UBE2E2: variants seen among roughly 807,000 people sequenced by gnomAD.
UBE2E2 encodes ubiquitin conjugating enzyme E2 E2, also known as ubiquitin-conjugating enzyme E2 E2.
Under a neutral mutation model 24.7 loss-of-function variants are expected in UBE2E2, and 6 were observed. That is an observed-to-expected ratio of 0.24 (90% CI 0.13 to 0.48). The LOEUF is 0.48. Among genes scored for constraint, UBE2E2 ranks in the 20% least tolerant of loss-of-function variants. The pLI, the probability that UBE2E2 is intolerant of heterozygous loss-of-function variation, is 0.99. For missense variants in UBE2E2, 169 were observed against 245.0 expected, an observed-to-expected ratio of 0.69 and a Z score of 2.07; for synonymous variants, 104 against 83.6, an observed-to-expected ratio of 1.24 and a Z score of -1.33.
chr3:23,402,496 T>C (rs983090434), intron 3 of UBE2E2, among the ~76,000 whole-genome samples: 3 of 152,232 alleles, frequency 2.0e-5, no homozygotes, highest in Admixed American at 1.3e-4. Flanking sequence ...GATTAAAGTT[T>C]AGAAATTGTT....
At chr3:23,230,903 G>T (rs562603533) in intron 3 of UBE2E2, among the ~76,000 whole-genome samples, 1 of 152,038 alleles carries the variant, frequency 6.6e-6, no homozygotes, top group East Asian at 1.9e-4. Flanking sequence ...AGCTTATTCT[G>T]TGTGATTTTG....
intron 3 of UBE2E2, among the ~76,000 whole-genome samples, chr3:23,353,692 C>T (rs1695838099): frequency 6.6e-6 from 1 of 151,868 alleles, no homozygotes; most frequent in African/African-American, 2.4e-5. Flanking sequence ...ATGTGAAGGA[C>T]CGCTTCAAGG....
In UBE2E2 at chr3:23,305,708, T is replaced by G. The variant is rs114396343; in HGVS notation, c.227+88396T>G. On this transcript the variant is annotated intron_variant, in intron 3 of 5. Transcript: ENST00000396703. ...TAATGGTCCCCTTTTCTTACAGTTATTAAAATGTAGTAACCATTCTTTTTA... is the reference window on the plus strand; with the variant it reads ...TAATGGTCCCCTTTTCTTACAGTTAGTAAAATGTAGTAACCATTCTTTTTA... Among the ~76,000 whole-genome samples the G allele has an allele frequency of 4.2e-3, 644 of 152,286 alleles. 1 individual carries two copies. The highest frequency in any genetic ancestry group is 6.9e-3 in the Non-Finnish European group (471 of 68,020).
At chr3:23,417,641 GA>G (rs1697673624) in intron 3 of UBE2E2, among the ~76,000 whole-genome samples, 1 of 152,180 alleles carries the variant, frequency 6.6e-6, no homozygotes, top group Admixed American at 6.5e-5. Flanking sequence ...TAAGTCTGCT[GA>G]AGCTGCACCC....
chr3:23,425,234 C>T (rs1219988670), intron 3 of UBE2E2, among the ~76,000 whole-genome samples: 11 of 152,078 alleles, frequency 7.2e-5, no homozygotes, highest in Non-Finnish European at 1.3e-4. Flanking sequence ...TTTTTAGTTG[C>T]AGATAAGAAG....
At chr3:23,521,925 TG>T (rs1312848630) in intron 4 of UBE2E2, among the ~76,000 whole-genome samples, 3 of 139,296 alleles carry the variant, frequency 2.2e-5, no homozygotes, top group Non-Finnish European at 4.6e-5. Flanking sequence ...GCACCTACTA[TG>T]TATGTGCTTA....
intron 3 of UBE2E2, among the ~76,000 whole-genome samples, chr3:23,234,415 T>C (rs1217886110): frequency 1.3e-5 from 2 of 152,156 alleles, no homozygotes; most frequent in Non-Finnish European, 2.9e-5. Context: ...GTTGGACACA[T>C]ACATTCAAAT....
At chr3:23,422,322 C>G (rs1203468611) in intron 3 of UBE2E2, among the ~76,000 whole-genome samples, 1 of 152,036 alleles carries the variant, frequency 6.6e-6, no homozygotes, top group Non-Finnish European at 1.5e-5. Flanking sequence ...TCCTGAGAGA[C>G]AACACTTGAA....
intron 3 of UBE2E2, among the ~76,000 whole-genome samples, chr3:23,267,808 A>C (rs2125359590): frequency 6.7e-6 from 1 of 150,074 alleles, no homozygotes; most frequent in East Asian, 2.0e-4. Context: ...AATCCTCAAT[A>C]AAATACTGGC....
chr3:23,537,336 C>G (rs1695290181), intron 5 of UBE2E2, among the ~76,000 whole-genome samples: 1 of 152,244 alleles, frequency 6.6e-6, no homozygotes, highest in Non-Finnish European at 1.5e-5. Flanking sequence ...AGCATACCCA[C>G]AAACATCAAC....
chr3:23,418,193 C>T (rs1021010933), intron 3 of UBE2E2, among the ~76,000 whole-genome samples: 13 of 152,286 alleles, frequency 8.5e-5, no homozygotes, highest in African/African-American at 2.9e-4. Flanking sequence ...GGCGTAGGCA[C>T]CCGAGGGAAT....
chr3:23,516,021 A>G (rs1694731189), intron 4 of UBE2E2, among the ~76,000 whole-genome samples: 1 of 152,132 alleles, frequency 6.6e-6, no homozygotes, highest in Non-Finnish European at 1.5e-5. Context: ...GTTTCTTAAG[A>G]GAACATTTCT....
intron 3 of UBE2E2, among the ~76,000 whole-genome samples, chr3:23,287,772 TC>T (rs1698656478): frequency 7.4e-6 from 1 of 134,854 alleles, no homozygotes; most frequent in Non-Finnish European, 1.7e-5. Context: ...AATGTCTCTC[TC>T]TTTTTTTTTT....
intron 3 of UBE2E2, among the ~76,000 whole-genome samples, chr3:23,459,889 G>A (rs1037580347): frequency 1.2e-4 from 19 of 152,164 alleles, no homozygotes; most frequent in African/African-American, 3.1e-4. Context: ...ATGCTGAAAG[G>A]GGAATGAAAA....
intron 5 of UBE2E2, among the ~76,000 whole-genome samples, chr3:23,567,962 T>G (rs1049067268): frequency 6.6e-6 from 1 of 152,104 alleles, no homozygotes; most frequent in Non-Finnish European, 1.5e-5. Context: ...TAGCAGAAGA[T>G]TCATATAACA....
chr3:23,418,899 A>T (rs1033385638), intron 3 of UBE2E2, among the ~76,000 whole-genome samples: 4 of 152,040 alleles, frequency 2.6e-5, no homozygotes, highest in Non-Finnish European at 5.9e-5. Context: ...TAAGGATGTT[A>T]GATTAAATGA....
At chr3:23,364,054 C>T (rs1160712420) in intron 3 of UBE2E2, among the ~76,000 whole-genome samples, 2 of 151,886 alleles carry the variant, frequency 1.3e-5, no homozygotes, top group Admixed American at 6.6e-5. Context: ...TTTGGGTAAA[C>T]AATGAAATTA....
intron 3 of UBE2E2, among the ~76,000 whole-genome samples, chr3:23,354,672 C>T (rs1057499564): frequency 2.6e-5 from 4 of 152,150 alleles, no homozygotes; most frequent in African/African-American, 4.8e-5. Flanking sequence ...ATCAAAACCG[C>T]AATGAGATAC....
intron 3 of UBE2E2, among the ~76,000 whole-genome samples, chr3:23,402,448 C>T (rs771499456): frequency 3.3e-5 from 5 of 152,142 alleles, no homozygotes; most frequent in Non-Finnish European, 7.4e-5. Context: ...AACTAGTGGA[C>T]ATTTCCCAAA....
Sources: allele counts gnomAD v4.1 joint callset (sites outside exome capture counted in the v4.1 genomes callset), GRCh38; gene constraint gnomAD v4.1.1; transcripts MANE v1.5; gene names NCBI Gene and HGNC (gene_info 2026-07-23, HGNC 2026-07-21).